The following FAR2 variants were observed in gnomAD, a reference collection of about 807,000 sequenced individuals.
FAR2 encodes the protein epididymis secretory protein Li 81.
A neutral mutation model predicts 56.0 loss-of-function variants in FAR2; 19 were observed. That is an observed-to-expected ratio of 0.34 (90% confidence interval 0.24 to 0.50). The LOEUF is 0.50. Ranked by LOEUF, FAR2 falls within the 20% of genes least tolerant of loss-of-function variation. The probability of loss-of-function intolerance (pLI) is 0.98; values close to 1 mark genes in which losing one functional copy is unlikely to be tolerated. For missense variants in FAR2, 508 were observed against 642.2 expected (o/e 0.79, Z 2.26); for synonymous variants, 219 against 218.8 (o/e 1.00, Z -0.01).
chr12:29,331,499 T>C (rs1949732215), intron 10 of FAR2: 1 of 152,188 alleles, frequency 6.6e-6, no homozygotes, highest in Admixed American at 6.5e-5. Context: ...GAATACCTAA[T>C]ACTTGAAATA....
At chr12:29,217,014 A>G (rs1054730639) in intron 1 of FAR2, among the ~76,000 whole-genome samples, 4 of 152,218 alleles carry the variant, frequency 2.6e-5, no homozygotes, top group Admixed American at 2.6e-4. Context: ...AAAGACTAAA[A>G]GAAAATGACA....
chr12:29,290,240 G>A (rs181193242), intron 2 of FAR2, among the ~76,000 whole-genome samples: 1 of 152,206 alleles, frequency 6.6e-6, no homozygotes, highest in Non-Finnish European at 1.5e-5. Flanking sequence ...GAGGTCGGGA[G>A]TTCAAGATCA....
intron 1 of FAR2, among the ~76,000 whole-genome samples, chr12:29,184,109 T>C (rs1301248108): frequency 6.6e-6 from 1 of 152,172 alleles, no homozygotes; most frequent in Non-Finnish European, 1.5e-5. Context: ...GAATTTTACC[T>C]CAATAAAAAC....
intron 1 of FAR2, among the ~76,000 whole-genome samples, chr12:29,193,753 G>C (rs916992600): frequency 6.6e-6 from 1 of 152,134 alleles, no homozygotes; most frequent in Non-Finnish European, 1.5e-5. Context: ...CACCTCTTTT[G>C]GGTAAATACC....
chr12:29,180,751 A>G (rs547977684), intron 1 of FAR2, among the ~76,000 whole-genome samples: 1 of 151,728 alleles, frequency 6.6e-6, no homozygotes, highest in African/African-American at 2.4e-5. Context: ...CTATCTATCT[A>G]TCTATCTATC....
At chr12:29,169,970 C>T (rs1480152428) in intron 1 of FAR2, among the ~76,000 whole-genome samples, 1 of 152,176 alleles carries the variant, frequency 6.6e-6, no homozygotes, top group East Asian at 1.9e-4. Context: ...ATACAAGTTA[C>T]ACTGTTAACT....
intron 1 of FAR2, among the ~76,000 whole-genome samples, chr12:29,192,832 T>C (rs533355220): frequency 4.6e-5 from 7 of 152,264 alleles, no homozygotes; most frequent in South Asian, 4.1e-4. Flanking sequence ...AGGAGTCTGG[T>C]TGGCATAAAT....
At chr12:29,200,856 C>G (rs915214159) in intron 1 of FAR2, among the ~76,000 whole-genome samples, 2 of 152,170 alleles carry the variant, frequency 1.3e-5, no homozygotes, top group Non-Finnish European at 2.9e-5. Flanking sequence ...ATTAATCTTA[C>G]TGAATAAATG....
intron 1 of FAR2, among the ~76,000 whole-genome samples, chr12:29,192,520 T>C (rs1334160761): frequency 2.0e-5 from 3 of 152,234 alleles, no homozygotes; most frequent in African/African-American, 4.8e-5. Context: ...GTGAACCAAC[T>C]TTCCCAATTT....
intron 1 of FAR2, among the ~76,000 whole-genome samples, chr12:29,163,957 G>A (rs1949803469): frequency 6.6e-6 from 1 of 152,214 alleles, no homozygotes; most frequent in African/African-American, 2.4e-5. Context: ...GTGAAATGCA[G>A]ATTGAACCAT....
intron 1 of FAR2, among the ~76,000 whole-genome samples, chr12:29,168,016 A>G (rs1431360627): frequency 6.6e-6 from 1 of 152,212 alleles, no homozygotes; most frequent in South Asian, 2.1e-4. Context: ...TCGTCAAAAT[A>G]AATGTGCATA....
At chr12:29,229,808 G>A (rs1170167310) in intron 1 of FAR2, among the ~76,000 whole-genome samples, 1 of 152,138 alleles carries the variant, frequency 6.6e-6, no homozygotes, top group African/African-American at 2.4e-5. Flanking sequence ...GGGCTTAAAT[G>A]ACAGATTAGA....
chr12:29,243,669 T>C (rs1018869196), intron 1 of FAR2, among the ~76,000 whole-genome samples: 1 of 152,308 alleles, frequency 6.6e-6, no homozygotes, highest in South Asian at 2.1e-4. Context: ...ATGCCAGCGT[T>C]GGAATGGTGT....
chr12:29,238,543 T>C (rs749150715), intron 1 of FAR2, among the ~76,000 whole-genome samples: 3 of 152,090 alleles, frequency 2.0e-5, no homozygotes, highest in Non-Finnish European at 2.9e-5. Flanking sequence ...TCTTTGAGGG[T>C]ACTTAATACA....
chr12:29,254,001 A>G (rs1240991171), intron 1 of FAR2, among the ~76,000 whole-genome samples: 1 of 152,226 alleles, frequency 6.6e-6, no homozygotes, highest in East Asian at 1.9e-4. Flanking sequence ...GAAGCAATCT[A>G]AGAAGAATGT....
chr12:29,324,119 G>A (rs1001789172), intron 10 of FAR2, among the ~76,000 whole-genome samples: 4 of 152,130 alleles, frequency 2.6e-5, no homozygotes, highest in Admixed American at 6.5e-5. Flanking sequence ...CTCAGTAACC[G>A]ATGCGATCAA....
chr12:29,157,817 T>A (rs950513543), intron 1 of FAR2, among the ~76,000 whole-genome samples: 2 of 152,314 alleles, frequency 1.3e-5, no homozygotes, highest in African/African-American at 4.8e-5. Flanking sequence ...CCCAACATAT[T>A]TGAAACCACT....
chr12:29,291,203 A>G (rs1395825974), intron 2 of FAR2, among the ~76,000 whole-genome samples: 1 of 152,154 alleles, frequency 6.6e-6, no homozygotes, highest in Non-Finnish European at 1.5e-5. Flanking sequence ...TACAAACTAG[A>G]GGGGGAAATA....
chr12:29,221,154 G>T (rs995583126), intron 1 of FAR2, among the ~76,000 whole-genome samples: 12 of 152,076 alleles, frequency 7.9e-5, no homozygotes, highest in Non-Finnish European at 1.5e-5. Flanking sequence ...AAAATCAGCC[G>T]CTTTACCTCT....
Sources: gnomAD v4.1 joint callset for allele counts (sites outside exome capture counted in the v4.1 genomes callset) on GRCh38, gnomAD v4.1.1 for gene constraint, MANE v1.5 for transcripts, NCBI Gene and HGNC (gene_info 2026-07-23, HGNC 2026-07-21) for gene names.